Variants in MED16 observed in about 807,000 individuals in gnomAD.
The protein encoded by MED16 is mediator complex subunit 16.
Under a neutral mutation model 84.4 loss-of-function variants are expected in MED16, and 81 were observed. That is an observed-to-expected ratio of 0.96 (90% CI 0.80 to 1.15). The LOEUF (loss-of-function observed/expected upper bound fraction) is 1.15. Among genes scored for constraint, MED16 ranks in the 50% most tolerant of loss-of-function variants. MED16 has a pLI of 0.00. For missense variants in MED16, 1,585 were observed against 1,245.9 expected (o/e 1.27, Z -4.10); for synonymous variants, 897 against 552.2 (o/e 1.62, Z -8.76).
At chr19:887,088 A>T (rs1036518594) in intron 4 of MED16, among the ~76,000 whole-genome samples, 3 of 151,666 alleles carry the variant, frequency 2.0e-5, no homozygotes, top group African/African-American at 7.3e-5. Flanking sequence ...TCAAAAACAA[A>T]AAAAAAAAGA....
At chr19:885,053 T>C (rs1389732540) in intron 5 of MED16, 45 bp from the exon 6 acceptor site, 1 of 1,456,998 alleles carries the variant, frequency 6.9e-7, no homozygotes, top group Admixed American at 1.9e-5. Context: ...ACTGCTGTGG[T>C]GGCCACGCCA....
At position 879,942 on chromosome 19, in the gene MED16, C is replaced by G. The variant is rs765012844; in HGVS notation, c.1348G>C (p.Gly450Arg). The change falls in exon 8 of 16, where the codon GGG becomes CGG. Residue 450 changes from glycine to arginine, a missense_variant. Gly to Arg is a moderately radical substitution (Grantham distance 125). Transcript: ENST00000325464. ...CACGTGCCCCAGCAGCTCACCTTCC[C>G]GTGGCTGTCAATCCCCACCAGGGCC... is the stretch of plus-strand genomic sequence containing the variant. ...SLALVGIDSHGKLSVLRLSPS... is the reference protein window; with the variant it reads ...SLALVGIDSHRKLSVLRLSPS... 1.9e-6 allele frequency: 3 copies of G among 1,598,386 alleles called. No homozygotes were observed. Among genetic ancestry groups the G allele is most frequent in the East Asian group, 2.2e-5 (1 of 44,506 alleles).
rs539724442 is a variant in MED16, at chr19:880,646, G to A, written c.1142-498C>T. ...CAGTAGAGAGGCTGCAAAGCCGGGCGCGGTGGCTCACGCCTGTAATCCTAG... is the reference window on the plus strand; with the variant it reads ...CAGTAGAGAGGCTGCAAAGCCGGGCACGGTGGCTCACGCCTGTAATCCTAG... On this transcript the variant is annotated intron_variant, in intron 7 of 15. Coordinates refer to ENST00000325464, the MANE Select transcript of MED16 (RefSeq NM_005481.3). Among the ~76,000 whole-genome samples the A allele has an allele frequency of 4.6e-5, 7 of 152,354 alleles. No individual in the cohort carries two copies. In the South Asian group the frequency reaches 6.2e-4, roughly 14 times the overall value.
At chr19:890,530 AC>A in intron 2 of MED16, 1 of 382,650 alleles carries the variant, frequency 2.6e-6, no homozygotes, top group East Asian at 4.4e-5. Context: ...GCTTTTTTGC[AC>A]CCCGATTTGA....
At chr19:890,475 C>A in intron 2 of MED16, 1 of 446,914 alleles carries the variant, frequency 2.2e-6, no homozygotes, top group East Asian at 3.6e-5. Flanking sequence ...GAAAATGACT[C>A]CGAAATGTGA....
Position 871,760 on chromosome 19 carries a change from AGGGGAGC to A in MED16, c.2098+159_2098+165del, listed in dbSNP as rs1230801305. ...GCAGGACTTGTGTTTTGGTAGGGAGAGGGGAGCGGGGAGAGGGGAGAGGGGAGAGCGG... is the reference window on the plus strand; with the variant it reads ...GCAGGACTTGTGTTTTGGTAGGGAGAGGGGAGAGGGGAGAGGGGAGAGCGG... On this transcript the variant is annotated intron_variant, in intron 12 of 15. Transcript: ENST00000325464. 1,914 of 256,064 alleles carry A rather than the reference AGGGGAGC, an allele frequency of 7.5e-3. 112 individuals carry two copies. The African/African-American group carries it at 0.09, about 12-fold the overall frequency. 15.9% of individuals were successfully genotyped at this position (256,064 alleles called of 1,614,324 possible).
At chr19:877,444 C>G (rs563394035) in intron 8 of MED16, among the ~76,000 whole-genome samples, 3 of 152,162 alleles carry the variant, frequency 2.0e-5, no homozygotes, top group Non-Finnish European at 4.4e-5. Context: ...TCTGCTTTAC[C>G]TGAGGAGTCT....
intron 6 of MED16, among the ~76,000 whole-genome samples, chr19:882,956 T>TG (rs1409364705): frequency 1.3e-5 from 2 of 152,132 alleles, no homozygotes; most frequent in Non-Finnish European, 2.9e-5. Flanking sequence ...GGGCACACAG[T>TG]GGTCAGGGGT....
At chr19:881,991 C>G (rs1053311273) in intron 6 of MED16, among the ~76,000 whole-genome samples, 4 of 152,242 alleles carry the variant, frequency 2.6e-5, no homozygotes, top group Non-Finnish European at 5.9e-5. Flanking sequence ...ATGGGGCAGA[C>G]AGTGGGGAGA....
chr19:883,996 G>A (rs551832260), intron 6 of MED16, among the ~76,000 whole-genome samples: 6 of 152,218 alleles, frequency 3.9e-5, no homozygotes, highest in East Asian at 1.9e-4. Context: ...CTGCCTCTGC[G>A]GCCACAATGG....
chr19:879,379 C>T (rs1182497091), intron 8 of MED16, among the ~76,000 whole-genome samples: 2 of 128,698 alleles, frequency 1.6e-5, no homozygotes, highest in Non-Finnish European at 1.7e-5. Context: ...CAGCCCCAGC[C>T]GCACATGCCC....
intron 11 of MED16, 118 bp downstream of exon 11, chr19:873,331 G>A (rs2036142391): frequency 2.2e-5 from 7 of 321,814 alleles, no homozygotes; most frequent in Admixed American, 5.8e-5. Flanking sequence ...AAGTAGGGGC[G>A]GGACTCCAAC....
intron 7 of MED16, 120 bp from the exon 8 acceptor site, chr19:880,268 C>T (rs1014060878): frequency 1.8e-5 from 16 of 866,260 alleles, no homozygotes; most frequent in South Asian, 7.6e-5. Context: ...GGTCAGCCCC[C>T]GCCAATCGGC....
chr19:871,483 C>G, intron 12 of MED16: 1 of 1,470,454 alleles, frequency 6.8e-7, no homozygotes. Flanking sequence ...ATGAGACTCC[C>G]TCATTCACTT....
rs762694539 is a variant in MED16, at chr19:871,988, G to C, written c.2036C>G (p.Thr679Ser). 1 of 1,609,378 alleles carries C rather than the reference G, an allele frequency of 6.2e-7. No individual in the cohort carries two copies. The highest frequency in any genetic ancestry group is 1.1e-5 in the South Asian group (1 of 90,970). ...GGACATGCTGTCCTGGGTATCCGAGGTGGCCGTATACACGGGCAGGCAGCT... is the reference window on the plus strand; with the variant it reads ...GGACATGCTGTCCTGGGTATCCGAGCTGGCCGTATACACGGGCAGGCAGCT... ...KPSCLPVYTA[T>S]SDTQDSMSLL... Residue 679 changes from threonine to serine, a missense_variant, in exon 12 of 16, where the codon ACC becomes AGC. Physicochemically the swap from Thr to Ser is moderately conservative, Grantham distance 58. Transcript: ENST00000325464.
chr19:886,279 CAGA>C (rs1360647975), intron 4 of MED16, 78 bp from the exon 5 acceptor site: 9 of 1,272,572 alleles, frequency 7.1e-6, no homozygotes, highest in East Asian at 2.6e-5. Context: ...AACACGCGCA[CAGA>C]AGAACCACGC....
At position 872,037 on chromosome 19, in the gene MED16, G is replaced by A. The variant is rs765638851; in HGVS notation, c.1987C>T (p.Arg663Cys). 28 of 1,609,924 alleles carry A rather than the reference G, an allele frequency of 1.7e-5. No homozygotes were observed. Among genetic ancestry groups the A allele is most frequent in the Non-Finnish European group, 1.9e-5 (22 of 1,178,534 alleles). Residue 663 changes from arginine (R) to cysteine (C), a missense_variant, in exon 12 of 16, where the codon CGC becomes TGC. Physicochemically the swap from Arg to Cys is radical, Grantham distance 180 (BLOSUM62 -3). Transcript: ENST00000325464. Reference protein sequence around the residue: ...GMLRELMVVIRIWGLLKPSCL... With the variant: ...GMLRELMVVICIWGLLKPSCL... ...CTGGGCTTCAGAAGGCCCCAGATGC[G>A]GATGACCACCATCAATTCCCGAAGC... is the stretch of plus-strand genomic sequence containing the variant.
At chr19:886,853 A>G (rs1188402118) in intron 4 of MED16, among the ~76,000 whole-genome samples, 3 of 152,150 alleles carry the variant, frequency 2.0e-5, no homozygotes, top group Admixed American at 6.5e-5. Context: ...AGGCAGGTGG[A>G]TCCCCTGAGG....
chr19:888,838 GT>G (rs1311950281), intron 4 of MED16, among the ~76,000 whole-genome samples: 1 of 152,182 alleles, frequency 6.6e-6, no homozygotes, highest in East Asian at 1.9e-4. Context: ...AAAAGATCTT[GT>G]CCACTGCATC....
Sources: gnomAD v4.1 joint callset for allele counts (sites outside exome capture counted in the v4.1 genomes callset) on GRCh38, gnomAD v4.1.1 for gene constraint, MANE v1.5 for transcripts, NCBI Gene and HGNC (gene_info 2026-07-23, HGNC 2026-07-21) for gene names.